Variants in SUGCT observed in about 807,000 individuals in gnomAD.
SUGCT encodes succinyl-CoA:glutarate-CoA transferase.
A neutral mutation model predicts 55.0 loss-of-function variants in SUGCT; 41 were observed. The observed-to-expected ratio is 0.74, with a 90% CI of 0.58 to 0.97. SUGCT has a LOEUF of 0.97. SUGCT is among the 50% of genes least tolerant of loss of function. The pLI, the probability that SUGCT is intolerant of heterozygous loss-of-function variation, is 0.00. For missense variants in SUGCT, 568 were observed against 547.8 expected, an observed-to-expected ratio of 1.04 and a Z score of -0.37; for synonymous variants, 187 against 200.4, an observed-to-expected ratio of 0.93 and a Z score of 0.56.
At chr7:40,324,831 T>C (rs1795952383) in intron 9 of SUGCT, among the ~76,000 whole-genome samples, 1 of 152,188 alleles carries the variant, frequency 6.6e-6, no homozygotes, top group Non-Finnish European at 1.5e-5. Flanking sequence ...TTTTTTATGC[T>C]CTTTCATGAG....
chr7:40,273,313 G>A (rs375774782), intron 7 of SUGCT, among the ~76,000 whole-genome samples: 2 of 152,060 alleles, frequency 1.3e-5, no homozygotes, highest in African/African-American at 2.4e-5. Context: ...AATTAACATG[G>A]TTTATGATGG....
chr7:40,836,344 A>G (rs192555617), intron 13 of SUGCT, among the ~76,000 whole-genome samples: 65 of 152,342 alleles, frequency 4.3e-4, no homozygotes, highest in Admixed American at 1.6e-3. Flanking sequence ...ATGGAGTTGT[A>G]AGAAATTATC....
intron 12 of SUGCT, among the ~76,000 whole-genome samples, chr7:40,514,710 C>CAAAA (rs914527174): frequency 1.4e-4 from 2 of 13,892 alleles, no homozygotes; most frequent in African/African-American, 5.3e-4. Flanking sequence ...AACTCCGTCT[C>CAAAA]AAAAAAAAAA....
rs1023133264 is a variant in SUGCT at position 40,637,070 on chromosome 7, G to T, written c.1090-112364G>T. Among the ~76,000 whole-genome samples the T allele has an allele frequency of 5.3e-4, 81 of 152,144 alleles. 1 individual carries two copies. Among genetic ancestry groups the T allele is most frequent in the Admixed American group, 5.2e-3 (80 of 15,272 alleles). ...ATTTCATGAGCAACCCGAAAGGGGA[G>T]CTACTTTTAATATGCGGGGATGACT... On this transcript the variant is annotated intron_variant, in intron 12 of 13. Coordinates refer to ENST00000335693, the MANE Select transcript of SUGCT (RefSeq NM_001193313.2).
chr7:40,942,243 T>C, the SUGCT span, among the ~76,000 whole-genome samples: 142 of 152,274 alleles, frequency 9.3e-4, no homozygotes, highest in Admixed American at 1.7e-3. Context: ...GCCGTTCTTA[T>C]AGGGCTTGTT....
chr7:40,970,353 G>A, the SUGCT span, among the ~76,000 whole-genome samples: 2 of 152,052 alleles, frequency 1.3e-5, no homozygotes, highest in African/African-American at 4.8e-5. Flanking sequence ...TGTGTTTTTT[G>A]TAGAGACAAG....
chr7:40,494,110 T>G (rs1463203426), intron 11 of SUGCT, among the ~76,000 whole-genome samples: 2 of 152,202 alleles, frequency 1.3e-5, no homozygotes, highest in Non-Finnish European at 2.9e-5. Context: ...AAACTTCAAC[T>G]ATTCCCCTGA....
chr7:40,858,403 C>CAAAAAAAAA lies in SUGCT; in HGVS notation c.1154-1895_1154-1887dup, dbSNP rs58628576. On this transcript the variant is annotated intron_variant, in intron 13 of 13. Coordinates refer to ENST00000335693, the MANE Select transcript of SUGCT (RefSeq NM_001193313.2). ...GGGCAACAAGAGCAAAATTCCATCT[C>CAAAAAAAAA]AAAAAAAAAAAAAAAAAAAAAAAAA... Among the ~76,000 whole-genome samples the CAAAAAAAAA allele has an allele frequency of 1.6e-3, 57 of 34,752 alleles. No homozygotes were observed. In the East Asian group the frequency reaches 0.02, roughly 12 times the overall value. The allele number at this position is 34,752 out of a possible 152,430, so 22.8% of individuals were successfully genotyped here. A position where few individuals can be genotyped will look rare whatever the true frequency, so the allele number is the denominator to read the frequency against.
intron 9 of SUGCT, among the ~76,000 whole-genome samples, chr7:40,357,873 G>A (rs1293258165): frequency 1.3e-5 from 2 of 151,836 alleles, no homozygotes; most frequent in Non-Finnish European, 2.9e-5. Flanking sequence ...TCCAAAAATG[G>A]ACAGCAGGCT....
the SUGCT span, among the ~76,000 whole-genome samples, chr7:41,017,189 C>T: frequency 2.0e-5 from 3 of 152,074 alleles, no homozygotes; most frequent in African/African-American, 7.2e-5. Context: ...CTACAAACTT[C>T]AGGAATTCCC....
intron 12 of SUGCT, among the ~76,000 whole-genome samples, chr7:40,735,473 T>G (rs766042255): frequency 6.6e-6 from 1 of 152,056 alleles, no homozygotes; most frequent in Non-Finnish European, 1.5e-5. Flanking sequence ...ACCAGAGAAA[T>G]CCTGCCAGTA....
chr7:40,697,659 A>G (rs1784994196), intron 12 of SUGCT, among the ~76,000 whole-genome samples: 1 of 152,148 alleles, frequency 6.6e-6, no homozygotes, highest in Non-Finnish European at 1.5e-5. Context: ...TGGCTGAATG[A>G]ATAAAGATGG....
At chr7:40,195,222 CTTTTT>C (rs11326653) in intron 6 of SUGCT, among the ~76,000 whole-genome samples, 162 bp downstream of exon 6, 1 of 101,296 alleles carries the variant, frequency 9.9e-6, no homozygotes, top group Admixed American at 1.1e-4. Context: ...TTTCTTTTTT[CTTTTT>C]TTTTTTTTTT....
intron 13 of SUGCT, among the ~76,000 whole-genome samples, chr7:40,822,922 C>T (rs1437839094): frequency 6.6e-6 from 1 of 151,954 alleles, no homozygotes; most frequent in East Asian, 1.9e-4. Context: ...AATCAGTAAG[C>T]AAGAGTTTGA....
intron 11 of SUGCT, among the ~76,000 whole-genome samples, chr7:40,465,783 A>G (rs17433490): frequency 0.095 from 14,444 of 152,190 alleles, 947 homozygotes; most frequent in Non-Finnish European, 0.15. Context: ...CTGAATGTCA[A>G]TGTAAAAAAC....
intron 12 of SUGCT, among the ~76,000 whole-genome samples, chr7:40,517,288 C>T (rs1415337995): frequency 6.6e-6 from 1 of 151,396 alleles, no homozygotes; most frequent in East Asian, 1.9e-4. Flanking sequence ...TGTTATCTTC[C>T]TATCCAATCT....
In SUGCT at chr7:40,860,403, A is replaced by T; in HGVS notation, c.1241A>T (p.Glu414Val). Residue 414 changes from glutamate (E) to valine (V), a missense_variant, in exon 14 of 14, where the codon GAG (glutamate) becomes GTG (valine). Coordinates refer to ENST00000335693, the MANE Select transcript of SUGCT (RefSeq NM_001193313.2). ...CAGCACACAACGCACATCCTGAAGG[A>T]GGTCCTGAGATACGATGACAGGGCC... ...LGQHTTHILK[E>V]VLRYDDRAIG... The T allele has an allele frequency of 6.2e-7, 1 of 1,613,978 alleles. No individual in the cohort carries two copies. The highest frequency in any genetic ancestry group is 8.5e-7 in the Non-Finnish European group (1 of 1,179,856).
chr7:40,411,028 G>A (rs1407798789), intron 9 of SUGCT, among the ~76,000 whole-genome samples: 1 of 152,068 alleles, frequency 6.6e-6, no homozygotes, highest in Non-Finnish European at 1.5e-5. Flanking sequence ...TACAGAAAAC[G>A]TCTGATTAAG....
Position 40,591,373 on chromosome 7 carries a change from C to A in SUGCT, c.1089+94987C>A, listed in dbSNP as rs148399962. On this transcript the variant is annotated intron_variant, in intron 12 of 13. Coordinates refer to ENST00000335693, the MANE Select transcript of SUGCT (RefSeq NM_001193313.2). ...GAATTTCTGCAATCTTATGGTCAAACGTGAATGGATGAGAAGTTGCTTCTT... is the reference window on the plus strand; with the variant it reads ...GAATTTCTGCAATCTTATGGTCAAAAGTGAATGGATGAGAAGTTGCTTCTT... Among the ~76,000 whole-genome samples the A allele has an allele frequency of 3.4e-3, 510 of 152,232 alleles. 2 individuals carry two copies. The highest frequency in any genetic ancestry group is 0.012 in the African/African-American group (483 of 41,526).
Sources: gnomAD v4.1 joint callset for allele counts (sites outside exome capture counted in the v4.1 genomes callset) on GRCh38, gnomAD v4.1.1 for gene constraint, MANE v1.5 for transcripts, NCBI Gene and HGNC (gene_info 2026-07-23, HGNC 2026-07-21) for gene names.